The following LMO7 variants were observed in gnomAD, a reference collection of about 807,000 sequenced individuals.
The protein encoded by LMO7 is LIM domain only protein 7.
LMO7 carries 120 observed loss-of-function variants against 206.5 expected under a neutral mutation model. The observed-to-expected ratio is 0.58, with a 90% confidence interval of 0.50 to 0.68. The LOEUF is 0.68. Among genes scored for constraint, LMO7 ranks in the 30% least tolerant of loss-of-function variants. LMO7 has a pLI of 0.00. For missense variants in LMO7, 1,959 were observed against 1,957.9 expected (o/e 1.00, Z -0.01); for synonymous variants, 706 against 681.5 (o/e 1.04, Z -0.56).
intron 8 of LMO7, chr13:75,804,798 C>G: frequency 2.2e-5 from 25 of 1,131,458 alleles, no homozygotes; most frequent in Non-Finnish European, 2.7e-5. Context: ...TTTCAGCTTA[C>G]CAGATAATTT....
intron 1 of LMO7, among the ~76,000 whole-genome samples, chr13:75,665,851 C>T (rs2039031301): frequency 6.6e-6 from 1 of 152,036 alleles, no homozygotes; most frequent in Non-Finnish European, 1.5e-5. Flanking sequence ...TTTATATGTT[C>T]TATGGATGTT....
At chr13:75,777,228 T>C (rs1317530916) in intron 4 of LMO7, among the ~76,000 whole-genome samples, 1 of 152,270 alleles carries the variant, frequency 6.6e-6, no homozygotes, top group East Asian at 1.9e-4. Flanking sequence ...AATGGTACTT[T>C]GTTTACATTT....
intron 1 of LMO7, among the ~76,000 whole-genome samples, chr13:75,661,378 A>G (rs2038585246): frequency 6.6e-6 from 1 of 152,254 alleles, no homozygotes. Context: ...AATGCTTTGT[A>G]GACTGCTTTA....
intron 15 of LMO7, among the ~76,000 whole-genome samples, chr13:75,827,251 AT>A (rs2058203363): frequency 6.6e-6 from 1 of 152,146 alleles, no homozygotes; most frequent in African/African-American, 2.4e-5. Flanking sequence ...TAAAGTCCTT[AT>A]TGGTGCTTTA....
At chr13:75,857,449 T>C (rs1228606603) in intron 30 of LMO7, 1 of 152,534 alleles carries the variant, frequency 6.6e-6, no homozygotes, top group African/African-American at 2.4e-5. Context: ...CAGTCAACTC[T>C]CTTTTATCTG....
intron 28 of LMO7, 145 bp from the exon 29 acceptor site, chr13:75,855,115 G>T (rs555771153): frequency 3.9e-6 from 2 of 515,304 alleles, no homozygotes; most frequent in African/African-American, 1.9e-5. Context: ...CTCTTTAGTT[G>T]GCTGGTAAAA....
intron 30 of LMO7, 133 bp downstream of exon 30, chr13:75,856,741 T>C: frequency 1.6e-6 from 1 of 640,824 alleles, no homozygotes; most frequent in Non-Finnish European, 2.8e-6. Flanking sequence ...AGAATTGTAG[T>C]GTGTTCCCTT....
intron 7 of LMO7, among the ~76,000 whole-genome samples, chr13:75,801,835 T>G (rs2054774470): frequency 6.6e-6 from 1 of 152,236 alleles, no homozygotes; most frequent in Non-Finnish European, 1.5e-5. Context: ...CTAGCATATC[T>G]ATGACAAAAA....
In LMO7 at chr13:75,706,093, T is replaced by G. The variant is rs571310640; in HGVS notation, c.70-7089T>G. 1.8e-3 allele frequency among the ~76,000 whole-genome samples: 278 copies of G among 152,262 alleles called. 1 individual carries two copies. The highest frequency in any genetic ancestry group is 3.2e-3 in the Non-Finnish European group (219 of 68,012). ...TCTCATTTAATTCTCACCATAACCC[T>G]TTGAGATGGGTACATTTAATCTCCA... On this transcript the variant is annotated intron_variant, in intron 1 of 30. Transcript: ENST00000377534.
chr13:75,686,020 G>A (rs2040953293), intron 1 of LMO7, among the ~76,000 whole-genome samples: 1 of 150,728 alleles, frequency 6.6e-6, no homozygotes, highest in Admixed American at 6.7e-5. Context: ...GACTACAGGT[G>A]TGCATGACCA....
At chr13:75,670,793 T>A (rs1468046406) in intron 1 of LMO7, among the ~76,000 whole-genome samples, 2 of 152,158 alleles carry the variant, frequency 1.3e-5, no homozygotes, top group Non-Finnish European at 2.9e-5. Context: ...TTATAAAAAA[T>A]GATTTTTGTT....
At chr13:75,707,516 C>T (rs1331918775) in intron 1 of LMO7, among the ~76,000 whole-genome samples, 1 of 151,980 alleles carries the variant, frequency 6.6e-6, no homozygotes, top group Non-Finnish European at 1.5e-5. Context: ...TACAGAACGC[C>T]ATGAAACAAT....
At chr13:75,847,270 T>A (rs2139449520) in intron 26 of LMO7, among the ~76,000 whole-genome samples, 1 of 152,326 alleles carries the variant, frequency 6.6e-6, no homozygotes, top group Admixed American at 6.5e-5. Flanking sequence ...GTGGGAATGA[T>A]ACGTCAAAGT....
rs1283798416 is a variant in LMO7, at chr13:75,819,509, GA to G, written c.2182del (p.Thr728ArgfsTer40). ...TTGAGAAGTCTAAGAGAAGCTCTAA[GA>G]CGTTTAAGGAAATGCTGCAGGACAG... ...ALEKSKRSSK[T>X]FKEMLQDRES... On this transcript the variant is annotated frameshift_variant, in exon 13 of 31. Coordinates refer to ENST00000377534, the MANE Select transcript of LMO7 (RefSeq NM_001306080.2). LOFTEE classifies it high-confidence loss of function. 1 of 1,604,476 alleles carries G rather than the reference GA, an allele frequency of 6.2e-7. No individual in the cohort carries two copies. The highest frequency in any genetic ancestry group is 8.5e-7 in the Non-Finnish European group (1 of 1,177,650).
chr13:75,841,701 C>T lies in LMO7; in HGVS notation c.3749C>T (p.Thr1250Ile), dbSNP rs1397175891. 6.2e-7 allele frequency: 1 copy of T among 1,614,060 alleles called. No homozygotes were observed. Among genetic ancestry groups the T allele is most frequent in the South Asian group, 1.1e-5 (1 of 91,068 alleles). ...REPSLATWEA[T>I]WSEGSKSSDR... ...CCCTCTCTTGCCACCTGGGAAGCTA[C>T]CTGGAGTGAAGGGTCCAAGTCTTCA... The change falls in exon 24 of 31, where the codon ACC becomes ATC. Residue 1250 changes from threonine to isoleucine, a missense_variant. By Grantham distance (89) the Thr-to-Ile change is moderately conservative (BLOSUM62 -1). Coordinates refer to ENST00000377534, the MANE Select transcript of LMO7 (RefSeq NM_001306080.2).
intron 7 of LMO7, among the ~76,000 whole-genome samples, chr13:75,801,237 C>CAAAA (rs200955354): frequency 7.1e-5 from 8 of 113,446 alleles, no homozygotes; most frequent in African/African-American, 2.3e-4. Flanking sequence ...TAAGATTCTG[C>CAAAA]AAAAAAAAAA....
At chr13:75,660,774 G>T (rs2038512025) in intron 1 of LMO7, among the ~76,000 whole-genome samples, 2 of 152,132 alleles carry the variant, frequency 1.3e-5, no homozygotes, top group African/African-American at 2.4e-5. Context: ...CCATGAGTTT[G>T]TCATGTTTTC....
chr13:75,662,191 A>T (rs1471580694), intron 1 of LMO7, among the ~76,000 whole-genome samples: 2 of 152,216 alleles, frequency 1.3e-5, no homozygotes, highest in East Asian at 3.8e-4. Flanking sequence ...GGATTCTTTT[A>T]TTAAAAAATG....
intron 1 of LMO7, among the ~76,000 whole-genome samples, chr13:75,658,070 T>G (rs1329630076): frequency 6.6e-6 from 1 of 152,132 alleles, no homozygotes; most frequent in Non-Finnish European, 1.5e-5. Context: ...CTTTTTTTTT[T>G]TCCCCTTCAG....
Sources: gnomAD v4.1 joint callset for allele counts (sites outside exome capture counted in the v4.1 genomes callset) on GRCh38, gnomAD v4.1.1 for gene constraint, MANE v1.5 for transcripts, NCBI Gene and HGNC (gene_info 2026-07-23, HGNC 2026-07-21) for gene names.